ZNF407: variants seen among roughly 807,000 people sequenced by gnomAD.
ZNF407 encodes the protein zinc finger protein 407.
A neutral mutation model predicts 131.2 loss-of-function variants in ZNF407; 17 were observed. That is an observed-to-expected ratio of 0.13 (90% CI 0.09 to 0.19). The LOEUF is 0.19. Among genes scored for constraint, ZNF407 ranks in the 10% least tolerant of loss-of-function variants. The pLI, the probability that ZNF407 is intolerant of heterozygous loss-of-function variation, is 1.00. For missense variants in ZNF407, 2,681 were observed against 2,830.6 expected (o/e 0.95, Z 1.20); for synonymous variants, 1,156 against 1,062.0 (o/e 1.09, Z -1.72).
chr18:74,761,361 AT>A (rs1030968682), intron 3 of ZNF407, among the ~76,000 whole-genome samples: 3 of 151,916 alleles, frequency 2.0e-5, no homozygotes, highest in African/African-American at 4.8e-5. Flanking sequence ...ATTTCTATGC[AT>A]TTTTTTTATT....
intron 3 of ZNF407, among the ~76,000 whole-genome samples, chr18:74,649,938 A>G (rs922003972): frequency 6.6e-6 from 1 of 152,218 alleles, no homozygotes; most frequent in African/African-American, 2.4e-5. Context: ...TGAATCTATT[A>G]TAATTCCTTT....
At chr18:74,696,776 G>A (rs996323209) in intron 3 of ZNF407, among the ~76,000 whole-genome samples, 51 of 152,112 alleles carry the variant, frequency 3.4e-4, no homozygotes, top group Non-Finnish European at 7.2e-4. Flanking sequence ...GGTACATCAT[G>A]GATGCTCTTG....
chr18:74,623,255 A>G (rs369504847), intron 1 of ZNF407, among the ~76,000 whole-genome samples: 4 of 150,206 alleles, frequency 2.7e-5, no homozygotes. Context: ...TGTGCATGTG[A>G]GTGTGTGTGT....
intron 4 of ZNF407, among the ~76,000 whole-genome samples, chr18:74,808,093 A>G (rs974759284): frequency 1.3e-5 from 2 of 151,866 alleles, no homozygotes; most frequent in Non-Finnish European, 2.9e-5. Context: ...GGCACACCGC[A>G]ACTTCCGCCT....
At chr18:74,752,409 T>C (rs1194989618) in intron 3 of ZNF407, among the ~76,000 whole-genome samples, 7 of 152,222 alleles carry the variant, frequency 4.6e-5, no homozygotes, top group African/African-American at 9.6e-5. Flanking sequence ...TTGGCTTTTG[T>C]TGCCATTGCT....
In ZNF407 at chr18:74,632,066, G is replaced by A. The variant is rs771137840; in HGVS notation, c.1047G>A (p.Met349Ile). ...GCAGTGAGCTTCTTGTTGAAATGAT[G>A]CCTTCCAGAAATACTTTGTCACAGG... Reference protein sequence around the residue: ...GSSSELLVEMMPSRNTLSQEV... With the variant: ...GSSSELLVEMIPSRNTLSQEV... Residue 349 changes from methionine to isoleucine, a missense_variant, in exon 2 of 9, where the codon ATG becomes ATA. By Grantham distance (10) the Met-to-Ile change is conservative. Transcript: ENST00000299687. 1.2e-5 allele frequency: 19 copies of A among 1,613,648 alleles called. No individual in the cohort carries two copies. The highest frequency in any genetic ancestry group is 8.3e-5 in the Admixed American group (5 of 59,988).
At chr18:74,627,153 C>CT (rs1489213227) in intron 1 of ZNF407, among the ~76,000 whole-genome samples, 5 of 152,144 alleles carry the variant, frequency 3.3e-5, no homozygotes, top group Admixed American at 1.3e-4. Flanking sequence ...GTTTCATTTA[C>CT]TTTTTTTCAG....
intron 8 of ZNF407, among the ~76,000 whole-genome samples, chr18:75,016,220 G>C (rs1292902687): frequency 1.3e-5 from 2 of 152,056 alleles, no homozygotes. Flanking sequence ...ACACTATTCT[G>C]TGAGTCAAAA....
intron 8 of ZNF407, among the ~76,000 whole-genome samples, chr18:74,988,269 G>T (rs1055728483): frequency 6.6e-6 from 1 of 152,082 alleles, no homozygotes; most frequent in Non-Finnish European, 1.5e-5. Context: ...TGGATCAAAA[G>T]CCTAAATATG....
intron 8 of ZNF407, among the ~76,000 whole-genome samples, chr18:74,950,884 A>C (rs1972206217): frequency 6.6e-6 from 1 of 152,218 alleles, no homozygotes; most frequent in African/African-American, 2.4e-5. Context: ...AAGCTTTAGA[A>C]ACTTCTTTAA....
At chr18:74,821,432 C>T (rs1970338706) in intron 4 of ZNF407, among the ~76,000 whole-genome samples, 1 of 151,964 alleles carries the variant, frequency 6.6e-6, no homozygotes, top group Admixed American at 6.6e-5. Flanking sequence ...TCCCCCACCC[C>T]ACAACAGGCC....
chr18:74,975,022 A>G (rs1357301912), intron 8 of ZNF407, among the ~76,000 whole-genome samples: 1 of 152,226 alleles, frequency 6.6e-6, no homozygotes, highest in Non-Finnish European at 1.5e-5. Context: ...GTGCCCATTA[A>G]TACATACTTA....
chr18:74,686,823 G>A (rs1258164439), intron 3 of ZNF407, among the ~76,000 whole-genome samples: 1 of 152,162 alleles, frequency 6.6e-6, no homozygotes, highest in Non-Finnish European at 1.5e-5. Flanking sequence ...ACCTTTTAAT[G>A]TTGCAGTTTC....
At chr18:74,641,723 G>T (rs904095880) in intron 3 of ZNF407, among the ~76,000 whole-genome samples, 7 of 152,124 alleles carry the variant, frequency 4.6e-5, no homozygotes, top group Non-Finnish European at 8.8e-5. Context: ...ATTCAAATGT[G>T]TTGCATTGGA....
intron 8 of ZNF407, among the ~76,000 whole-genome samples, chr18:75,012,204 G>A (rs1188780688): frequency 6.6e-6 from 1 of 151,968 alleles, no homozygotes; most frequent in Non-Finnish European, 1.5e-5. Context: ...TCCATTTTCC[G>A]ACACTTTTTG....
intron 3 of ZNF407, among the ~76,000 whole-genome samples, chr18:74,746,557 T>C (rs1163761900): frequency 1.3e-5 from 2 of 152,144 alleles, no homozygotes; most frequent in African/African-American, 4.8e-5. Context: ...TAAATTATTT[T>C]ATTGTTTTAC....
chr18:74,932,643 C>T (rs909876433), intron 8 of ZNF407, among the ~76,000 whole-genome samples: 16 of 152,222 alleles, frequency 1.1e-4, no homozygotes, highest in Middle Eastern at 3.4e-3. Flanking sequence ...TATTTACATC[C>T]AGAATGTAAT....
chr18:74,907,153 C>T (rs566813329), intron 7 of ZNF407, among the ~76,000 whole-genome samples: 1 of 152,218 alleles, frequency 6.6e-6, no homozygotes, highest in Admixed American at 6.5e-5. Flanking sequence ...TAAGAGCTAC[C>T]TTATTCTATT....
intron 4 of ZNF407, among the ~76,000 whole-genome samples, chr18:74,817,665 A>G (rs987283398): frequency 8.5e-5 from 13 of 152,182 alleles, no homozygotes; most frequent in African/African-American, 1.7e-4. Context: ...ATGAGTATCT[A>G]TTTTTGCATT....
Sources: allele counts gnomAD v4.1 joint callset (sites outside exome capture counted in the v4.1 genomes callset), GRCh38; gene constraint gnomAD v4.1.1; transcripts MANE v1.5; gene names NCBI Gene and HGNC (gene_info 2026-07-23, HGNC 2026-07-21).